Variants in LRRC2 observed in about 807,000 individuals in gnomAD.
The protein encoded by LRRC2 is leucine-rich repeat-containing protein 2.
Under a neutral mutation model 40.2 loss-of-function variants are expected in LRRC2, and 27 were observed. The ratio of observed to expected loss-of-function variants is 0.67; its 90% CI spans 0.49 to 0.93. LRRC2 has a LOEUF of 0.93. LRRC2 is among the 40% of genes least tolerant of loss of function. LRRC2 has a pLI of 0.00. For missense variants in LRRC2, 402 were observed against 439.6 expected, an observed-to-expected ratio of 0.91 and a Z score of 0.76; for synonymous variants, 147 against 158.9, an observed-to-expected ratio of 0.92 and a Z score of 0.56.
At chr3:46,524,280 G>A (rs536107747) in intron 7 of LRRC2, among the ~76,000 whole-genome samples, 1 of 152,326 alleles carries the variant, frequency 6.6e-6, no homozygotes, top group Admixed American at 6.5e-5. Flanking sequence ...CCTCAGGGCA[G>A]TCGCCAAACA....
chr3:46,526,017 A>C (rs1704055151), intron 7 of LRRC2, among the ~76,000 whole-genome samples: 1 of 151,738 alleles, frequency 6.6e-6, no homozygotes, highest in African/African-American at 2.4e-5. Context: ...CAGTGGCGCA[A>C]CCTCGGCTTA....
chr3:46,549,459 T>C (rs541797355), intron 2 of LRRC2, among the ~76,000 whole-genome samples: 5 of 152,208 alleles, frequency 3.3e-5, no homozygotes, highest in Non-Finnish European at 7.3e-5. Flanking sequence ...TCCCCAGCCC[T>C]ACCTCACATT....
At chr3:46,527,820 TG>T (rs1402505486) in intron 6 of LRRC2, among the ~76,000 whole-genome samples, 2 of 152,086 alleles carry the variant, frequency 1.3e-5, no homozygotes, top group Non-Finnish European at 2.9e-5. Flanking sequence ...CTCAACTTCC[TG>T]GGCTCAAATG....
chr3:46,527,756 G>A (rs534770382), intron 6 of LRRC2, among the ~76,000 whole-genome samples, 175 bp from the exon 7 acceptor site: 338 of 151,844 alleles, frequency 2.2e-3, no homozygotes, highest in Non-Finnish European at 4.1e-3. Flanking sequence ...GAGACAAGGT[G>A]TTATTATGTT....
intron 3 of LRRC2, 41 bp from the exon 4 acceptor site, chr3:46,539,242 C>T (rs1704334035): frequency 2.5e-6 from 4 of 1,587,072 alleles, no homozygotes; most frequent in South Asian, 1.1e-5. Flanking sequence ...CTAGCTCCTC[C>T]GTGTGCACAA....
At chr3:46,520,318 A>G (rs1703943693) in intron 8 of LRRC2, among the ~76,000 whole-genome samples, 1 of 151,758 alleles carries the variant, frequency 6.6e-6, no homozygotes, top group Non-Finnish European at 1.5e-5. Context: ...TAGCACTACA[A>G]TATAATTACG....
chr3:46,519,712 AG>A (rs1231432582), intron 8 of LRRC2, among the ~76,000 whole-genome samples: 3 of 152,226 alleles, frequency 2.0e-5, no homozygotes, highest in African/African-American at 7.2e-5. Flanking sequence ...TGTTCACTAA[AG>A]CTTGAGGACC....
rs1703849025 is a variant in LRRC2 at position 46,515,780 on chromosome 3, C to A, written c.*3234G>T. The A allele has an allele frequency of 6.6e-6, 1 of 152,006 alleles. No homozygotes were observed. The allele number at this position is 152,006 out of a possible 1,614,324, so 9.4% of individuals were successfully genotyped here. A position where few individuals can be genotyped will look rare whatever the true frequency, so the allele number is the denominator to read the frequency against. ...GAAAGCCCCTCTTCAGATATATTTTCCACTTGGCCATATGTAACACATACC... is the reference window on the plus strand; with the variant it reads ...GAAAGCCCCTCTTCAGATATATTTTACACTTGGCCATATGTAACACATACC... On this transcript the variant is annotated 3_prime_UTR_variant, in exon 9 of 9. Coordinates refer to ENST00000395905, the MANE Select transcript of LRRC2 (RefSeq NM_024512.5).
Position 46,518,669 on chromosome 3 carries a change from C to A in LRRC2, c.*345G>T. On this transcript the variant is annotated 3_prime_UTR_variant, in exon 9 of 9. Transcript: ENST00000395905. Reference sequence around the variant, plus strand: ...GAGCCACCACACCCGGCCCCTTTATCTTTTGATTCCTGAAAACAATGCACT... The same window carrying A: ...GAGCCACCACACCCGGCCCCTTTATATTTTGATTCCTGAAAACAATGCACT... 5.8e-6 allele frequency: 1 copy of A among 173,612 alleles called. No individual in the cohort carries two copies. Among genetic ancestry groups the A allele is most frequent in the Non-Finnish European group, 1.2e-5 (1 of 82,810 alleles). The allele number at this position is 173,612 out of a possible 1,614,324, so 10.8% of individuals were successfully genotyped here. A position where few individuals can be genotyped will look rare whatever the true frequency, so the allele number is the denominator to read the frequency against.
At chr3:46,560,576 C>A (rs574306957) in intron 1 of LRRC2, among the ~76,000 whole-genome samples, 1 of 152,188 alleles carries the variant, frequency 6.6e-6, no homozygotes, top group Non-Finnish European at 1.5e-5. Flanking sequence ...AACTTTACAA[C>A]GAAGTAGATT....
At chr3:46,521,735 C>T (rs1220423552) in intron 7 of LRRC2, 77 bp from the exon 8 acceptor site, 1 of 1,417,222 alleles carries the variant, frequency 7.1e-7, no homozygotes, top group Non-Finnish European at 9.5e-7. Context: ...ATAAAATAAC[C>T]TCTGTTATCC....
chr3:46,551,320 G>T, intron 2 of LRRC2, 147 bp downstream of exon 2: 2 of 920,424 alleles, frequency 2.2e-6, no homozygotes, highest in Non-Finnish European at 3.3e-6. Flanking sequence ...CTGAGCAACA[G>T]TGTAAGGCTC....
chr3:46,540,230 G>A (rs1704356992), intron 3 of LRRC2, among the ~76,000 whole-genome samples: 1 of 152,222 alleles, frequency 6.6e-6, no homozygotes, highest in Admixed American at 6.5e-5. Context: ...AGTACCATAA[G>A]ATAGGCAAAG....
At chr3:46,525,584 A>G (rs796468342) in intron 7 of LRRC2, among the ~76,000 whole-genome samples, 1 of 152,070 alleles carries the variant, frequency 6.6e-6, no homozygotes. Flanking sequence ...GTTCTGTCAC[A>G]CTACTCTTGT....
At chr3:46,546,097 A>G (rs529684318) in intron 2 of LRRC2, among the ~76,000 whole-genome samples, 4 of 152,362 alleles carry the variant, frequency 2.6e-5, no homozygotes, top group African/African-American at 9.6e-5. Context: ...CACCCTACTC[A>G]GCCCAACTGG....
intron 4 of LRRC2, among the ~76,000 whole-genome samples, chr3:46,533,702 TTTCCTTCCTTCCTTCCTTCC>T (rs372699647): frequency 2.2e-5 from 2 of 89,388 alleles, no homozygotes; most frequent in African/African-American, 4.3e-5. Context: ...GTATTCACAG[TTTCCTTCCTTCCTTCCTTCC>T]TTCCTTCCTT....
intron 2 of LRRC2, among the ~76,000 whole-genome samples, chr3:46,548,039 C>T (rs1218844423): frequency 6.6e-6 from 1 of 152,214 alleles, no homozygotes; most frequent in African/African-American, 2.4e-5. Flanking sequence ...TTCTTGTATT[C>T]ACTGGGCACT....
chr3:46,527,600 A>G lies in LRRC2; in HGVS notation c.774-19T>C. 6.2e-7 allele frequency: 1 copy of G among 1,611,562 alleles called. No individual in the cohort carries two copies. Among genetic ancestry groups the G allele is most frequent in the Non-Finnish European group, 8.5e-7 (1 of 1,177,838 alleles). Reference sequence around the variant, plus strand: ...CTCTAGCCTAAGAAGAGGTAAAAACAATCATAGCACTGGACTTAGCATCAT... The same window carrying G: ...CTCTAGCCTAAGAAGAGGTAAAAACGATCATAGCACTGGACTTAGCATCAT... On this transcript the variant is annotated intron_variant, in intron 6 of 8. Coordinates refer to ENST00000395905, the MANE Select transcript of LRRC2 (RefSeq NM_024512.5).
intron 5 of LRRC2, 88 bp from the exon 6 acceptor site, chr3:46,530,138 C>A: frequency 9.2e-7 from 1 of 1,086,818 alleles, no homozygotes; most frequent in East Asian, 2.5e-5. Flanking sequence ...TATTTCTTCC[C>A]CAAAGGCATT....
Sources: allele counts gnomAD v4.1 joint callset (sites outside exome capture counted in the v4.1 genomes callset), GRCh38; gene constraint gnomAD v4.1.1; transcripts MANE v1.5; gene names NCBI Gene and HGNC (gene_info 2026-07-23, HGNC 2026-07-21).